HS3ST4: variants seen among roughly 807,000 people sequenced by gnomAD.
The protein encoded by HS3ST4 is heparan sulfate-glucosamine 3-sulfotransferase 4.
Under a neutral mutation model 29.2 loss-of-function variants are expected in HS3ST4, and 17 were observed. The observed-to-expected ratio is 0.58, with a 90% CI of 0.40 to 0.87. HS3ST4 has a LOEUF of 0.87. Ranked by LOEUF, HS3ST4 falls within the 40% of genes least tolerant of loss-of-function variation. HS3ST4 has a pLI of 0.00. For synonymous variants in HS3ST4, 314 were observed against 285.7 expected (o/e 1.10, Z -1.00); for missense variants, 627 against 634.5 (o/e 0.99, Z 0.13).
chr16:26,076,452 G>A (rs1205892216), intron 1 of HS3ST4, among the ~76,000 whole-genome samples: 1 of 152,136 alleles, frequency 6.6e-6, no homozygotes, highest in Non-Finnish European at 1.5e-5. Context: ...CTACAAGAAT[G>A]CCTGCAGTGA....
At chr16:26,074,168 TGAGGG>T (rs1313485147) in intron 1 of HS3ST4, among the ~76,000 whole-genome samples, 5 of 152,176 alleles carry the variant, frequency 3.3e-5, no homozygotes, top group Admixed American at 2.6e-4. Flanking sequence ...CAGGACCCTC[TGAGGG>T]CAGGAAACCT....
chr16:25,745,783 T>C (rs1257085802), intron 1 of HS3ST4, among the ~76,000 whole-genome samples: 1 of 152,222 alleles, frequency 6.6e-6, no homozygotes, highest in Non-Finnish European at 1.5e-5. Flanking sequence ...CTTTTGCATA[T>C]CATTAAAATT....
chr16:26,121,057 C>T (rs950391694), intron 1 of HS3ST4, among the ~76,000 whole-genome samples: 8 of 152,238 alleles, frequency 5.3e-5, no homozygotes, highest in South Asian at 2.1e-4. Flanking sequence ...GGATCTTGCT[C>T]ATGATTGGAA....
intron 1 of HS3ST4, among the ~76,000 whole-genome samples, chr16:25,942,300 A>G (rs1280304423): frequency 6.6e-6 from 1 of 152,202 alleles, no homozygotes; most frequent in Non-Finnish European, 1.5e-5. Flanking sequence ...GGCCGATAGA[A>G]TTCTTGGAAG....
At chr16:25,873,709 T>C (rs192507466) in intron 1 of HS3ST4, among the ~76,000 whole-genome samples, 2 of 142,508 alleles carry the variant, frequency 1.4e-5, no homozygotes, top group Admixed American at 7.0e-5. Context: ...TCCATCCATC[T>C]GTCCATCTAT....
chr16:25,896,709 G>A (rs1015430731), intron 1 of HS3ST4, among the ~76,000 whole-genome samples: 1 of 152,110 alleles, frequency 6.6e-6, no homozygotes, highest in African/African-American at 2.4e-5. Flanking sequence ...TCATTGCAGC[G>A]CTACTCACAA....
intron 1 of HS3ST4, among the ~76,000 whole-genome samples, chr16:25,752,968 G>A (rs1966731743): frequency 1.3e-5 from 2 of 152,208 alleles, no homozygotes; most frequent in Non-Finnish European, 1.5e-5. Context: ...CTCTTTATGA[G>A]TTTTCTTAGC....
chr16:25,877,535 G>A (rs1447462646), intron 1 of HS3ST4, among the ~76,000 whole-genome samples: 1 of 152,138 alleles, frequency 6.6e-6, no homozygotes, highest in Non-Finnish European at 1.5e-5. Flanking sequence ...GTGCTAATAT[G>A]ACAACAGAGA....
Position 25,976,130 on chromosome 16 carries a change from A to G in HS3ST4, c.735-159482A>G, listed in dbSNP as rs1472150443. 2.0e-5 allele frequency among the ~76,000 whole-genome samples: 3 copies of G among 152,346 alleles called. No homozygotes were observed. The South Asian group carries it at 6.2e-4, about 32-fold the overall frequency. On this transcript the variant is annotated intron_variant, in intron 1 of 1. Coordinates refer to ENST00000331351, the MANE Select transcript of HS3ST4 (RefSeq NM_006040.3). ...ATGTAAAACTGTACCCTCAACAGCA[A>G]TGAATTTTAAACATTTGTCCAGTAT...
chr16:26,069,564 T>A lies in HS3ST4; in HGVS notation c.735-66048T>A, dbSNP rs80333683. ...TAAATTCTTTTATATATATATATTT[T>A]TTTTTATTATACTTTAAGTTCTAGG... On this transcript the variant is annotated intron_variant, in intron 1 of 1. Transcript: ENST00000331351. 1.3e-3 allele frequency among the ~76,000 whole-genome samples: 190 copies of A among 151,198 alleles called. 1 individual carries two copies. The highest frequency in any genetic ancestry group is 3.5e-3 in the African/African-American group (143 of 41,136).
Position 26,106,969 on chromosome 16 carries a change from G to A in HS3ST4, c.735-28643G>A, listed in dbSNP as rs183402521. 6.5e-3 allele frequency among the ~76,000 whole-genome samples: 990 copies of A among 152,096 alleles called. 44 individuals carry two copies. The highest frequency in any genetic ancestry group is 0.06 in the Admixed American group (919 of 15,262). On this transcript the variant is annotated intron_variant, in intron 1 of 1. Transcript: ENST00000331351. ...CACCTGCTGTCCTGTGGCCTCTTTG[G>A]CCATTCTAGCCCTCGACTATCTAGA...
chr16:25,692,756 G>T lies in HS3ST4; in HGVS notation c.339G>T (p.Glu113Asp). 7.7e-7 allele frequency: 1 copy of T among 1,296,012 alleles called. No homozygotes were observed. The highest frequency in any genetic ancestry group is 9.7e-7 in the Non-Finnish European group (1 of 1,028,964). The allele number at this position is 1,296,012 out of a possible 1,614,324, so 80.3% of individuals were successfully genotyped here. Reference sequence around the variant, plus strand: ...ACGCGAGCCACGGGGAGCCGCCCGAGCCCCCAGAGCAGCCAGCCGCCCCCG... The same window carrying T: ...ACGCGAGCCACGGGGAGCCGCCCGATCCCCCAGAGCAGCCAGCCGCCCCCG... Reference protein sequence around the residue: ...LDNASHGEPPEPPEQPAAPGT... With the variant: ...LDNASHGEPPDPPEQPAAPGT... Residue 113 changes from glutamate (E) to aspartate (D), a missense_variant, in exon 1 of 2, where the codon GAG (glutamate) becomes GAT (aspartate). Coordinates refer to ENST00000331351, the MANE Select transcript of HS3ST4 (RefSeq NM_006040.3).
At chr16:25,715,641 G>C (rs1006289122) in intron 1 of HS3ST4, among the ~76,000 whole-genome samples, 1 of 152,212 alleles carries the variant, frequency 6.6e-6, no homozygotes, top group African/African-American at 2.4e-5. Context: ...GGGATTCACC[G>C]TGAGGCCAAA....
At chr16:26,041,330 G>A (rs998640051) in intron 1 of HS3ST4, among the ~76,000 whole-genome samples, 49 of 151,928 alleles carry the variant, frequency 3.2e-4, no homozygotes, top group Non-Finnish European at 1.9e-4. Flanking sequence ...ACAGAGTGAG[G>A]CTATGTCTTT....
chr16:25,851,465 C>A (rs547389583), intron 1 of HS3ST4, among the ~76,000 whole-genome samples: 1 of 152,274 alleles, frequency 6.6e-6, no homozygotes, highest in African/African-American at 2.4e-5. Context: ...ATGCCCACTC[C>A]TGCCATTGCC....
At chr16:25,913,868 G>T (rs983563625) in intron 1 of HS3ST4, among the ~76,000 whole-genome samples, 21 of 148,822 alleles carry the variant, frequency 1.4e-4, no homozygotes, top group Non-Finnish European at 2.7e-4. Flanking sequence ...TGTGTGTGGG[G>T]GTGTGTGTGG....
At chr16:25,879,350 G>A (rs181860821) in intron 1 of HS3ST4, among the ~76,000 whole-genome samples, 50 of 152,190 alleles carry the variant, frequency 3.3e-4, no homozygotes, top group African/African-American at 1.1e-3. Flanking sequence ...TGATACAGAC[G>A]TACTCAAGAC....
At chr16:25,926,530 C>G (rs1055867929) in intron 1 of HS3ST4, among the ~76,000 whole-genome samples, 3 of 152,200 alleles carry the variant, frequency 2.0e-5, no homozygotes, top group Non-Finnish European at 2.9e-5. Context: ...AATACTATCT[C>G]TCTGCTAAAA....
intron 1 of HS3ST4, among the ~76,000 whole-genome samples, chr16:26,096,347 A>G: frequency 6.6e-6 from 1 of 152,216 alleles, no homozygotes; most frequent in East Asian, 1.9e-4. Flanking sequence ...AATCCTCAAT[A>G]AAATACTGGC....
Sources: allele counts gnomAD v4.1 joint callset (sites outside exome capture counted in the v4.1 genomes callset), GRCh38; gene constraint gnomAD v4.1.1; transcripts MANE v1.5; gene names NCBI Gene and HGNC (gene_info 2026-07-23, HGNC 2026-07-21).